The following PAX5 variants were observed in gnomAD, a reference collection of about 807,000 sequenced individuals.
PAX5 encodes paired box 5.
PAX5 carries 9 observed loss-of-function variants against 43.7 expected under a neutral mutation model. That is an observed-to-expected ratio of 0.21 (90% CI 0.12 to 0.36). The LOEUF (loss-of-function observed/expected upper bound fraction) is 0.36, where lower values mean the gene tolerates loss of function less well. Ranked by LOEUF, PAX5 falls within the 10% of genes least tolerant of loss-of-function variation. PAX5 has a pLI of 1.00. For synonymous variants in PAX5, 228 were observed against 214.3 expected (o/e 1.06, Z -0.56); for missense variants, 383 against 532.7 (o/e 0.72, Z 2.77).
At chr9:36,895,284 A>G (rs1827764338) in intron 7 of PAX5, among the ~76,000 whole-genome samples, 1 of 152,266 alleles carries the variant, frequency 6.6e-6, no homozygotes, top group Admixed American at 6.5e-5. Flanking sequence ...TGCGAGGTAC[A>G]TGAAGAATGG....
chr9:36,851,039 A>C (rs1823110747), intron 8 of PAX5, among the ~76,000 whole-genome samples: 1 of 152,252 alleles, frequency 6.6e-6, no homozygotes. Flanking sequence ...ACGCTCTGCC[A>C]TCAGGCCATC....
At chr9:36,926,451 A>G (rs1372031756) in intron 6 of PAX5, among the ~76,000 whole-genome samples, 2 of 152,232 alleles carry the variant, frequency 1.3e-5, no homozygotes, top group Non-Finnish European at 2.9e-5. Context: ...TTTGGAAAAT[A>G]CTGCTTCATT....
intron 6 of PAX5, among the ~76,000 whole-genome samples, chr9:36,935,375 C>A (rs572166315): frequency 1.5e-5 from 2 of 129,266 alleles, no homozygotes; most frequent in Non-Finnish European, 3.3e-5. Flanking sequence ...AGCGAAACTC[C>A]ATCTCCGAAG....
intron 8 of PAX5, among the ~76,000 whole-genome samples, chr9:36,870,215 A>G (rs1157363539): frequency 6.6e-6 from 1 of 152,152 alleles, no homozygotes; most frequent in Non-Finnish European, 1.5e-5. Flanking sequence ...CCCCACAATT[A>G]TTTATTATGT....
At chr9:37,024,368 C>T (rs1203868575) in intron 1 of PAX5, among the ~76,000 whole-genome samples, 3 of 151,666 alleles carry the variant, frequency 2.0e-5, no homozygotes, top group African/African-American at 7.3e-5. Flanking sequence ...TGGGGGGAAG[C>T]AGTGGTAGGG....
rs1236057403 is a variant in PAX5 at position 37,015,239 on chromosome 9, A to C, written c.213-45T>G. ...AAGCTTAGCCATGAGGAACCAGTAA[A>C]GTGGATATTGGCAACAAAATAACGG... On this transcript the variant is annotated intron_variant, in intron 2 of 9. Coordinates refer to ENST00000358127, the MANE Select transcript of PAX5 (RefSeq NM_016734.3). This position sits in a 1 kb window ranked among gnomAD's most constrained non-coding sequence, Gnocchi z 4.4. 6.5e-7 allele frequency: 1 copy of C among 1,549,252 alleles called. No individual in the cohort carries two copies. Among genetic ancestry groups the C allele is most frequent in the African/African-American group, 1.4e-5 (1 of 73,558 alleles).
chr9:36,976,853 G>A (rs1835477755), intron 5 of PAX5, among the ~76,000 whole-genome samples: 1 of 152,184 alleles, frequency 6.6e-6, no homozygotes, highest in South Asian at 2.1e-4. Context: ...GATGGCAAAC[G>A]GGAGGCCAGA....
In PAX5 at chr9:36,926,865, G is replaced by A. The variant is rs570039188; in HGVS notation, c.781-3381C>T. Among the ~76,000 whole-genome samples, 35 of 152,248 alleles carry A rather than the reference G, an allele frequency of 2.3e-4. 1 individual carries two copies. In the South Asian group the frequency reaches 7.1e-3, roughly 31 times the overall value. ...CACAAACACCAAGAGAAGACACATTGGCCCAGAAATTCCATCCAAGAGGGA... is the reference window on the plus strand; with the variant it reads ...CACAAACACCAAGAGAAGACACATTAGCCCAGAAATTCCATCCAAGAGGGA... On this transcript the variant is annotated intron_variant, in intron 6 of 9. Transcript: ENST00000358127.
chr9:36,937,372 A>G (rs1012322999), intron 6 of PAX5, among the ~76,000 whole-genome samples: 5 of 151,758 alleles, frequency 3.3e-5, no homozygotes, highest in African/African-American at 1.2e-4. Context: ...CTGAAACACC[A>G]CTCTACACCC....
chr9:36,871,985 C>CA (rs1409080103), intron 8 of PAX5, among the ~76,000 whole-genome samples: 2 of 152,234 alleles, frequency 1.3e-5, no homozygotes, highest in African/African-American at 2.4e-5. Context: ...TCCCCATCTC[C>CA]ATGCTCCCAA....
chr9:36,921,264 C>G lies in PAX5; in HGVS notation c.910+2091G>C, dbSNP rs189261602. On this transcript the variant is annotated intron_variant, in intron 7 of 9. Coordinates refer to ENST00000358127, the MANE Select transcript of PAX5 (RefSeq NM_016734.3). ...TCTTGTGATCTGCCTACCCAATCTT[C>G]TCATAAACTCTGATCCCAGTAACAA... 5.3e-4 allele frequency among the ~76,000 whole-genome samples: 81 copies of G among 152,348 alleles called. No individual in the cohort carries two copies. The East Asian group carries it at 0.015, about 28-fold the overall frequency.
intron 3 of PAX5, among the ~76,000 whole-genome samples, chr9:37,010,822 G>A (rs1838862990): frequency 6.6e-6 from 1 of 152,112 alleles, no homozygotes; most frequent in Non-Finnish European, 1.5e-5. Flanking sequence ...AGCTGCAAGG[G>A]GCCCCACAGG....
intron 3 of PAX5, among the ~76,000 whole-genome samples, chr9:37,011,128 CAAAAAA>C (rs1225031293): frequency 9.9e-6 from 1 of 100,950 alleles, no homozygotes; most frequent in Non-Finnish European, 2.3e-5. Context: ...CTCAAAAAAA[CAAAAAA>C]AAAAAAAAAA....
At chr9:36,903,695 T>C (rs3780145) in intron 7 of PAX5, among the ~76,000 whole-genome samples, 109,402 of 152,170 alleles carry the variant, frequency 0.72, 39,597 homozygotes, top group South Asian at 0.75. Flanking sequence ...TAAGGCCTGG[T>C]CAGGCTGCAT....
intron 9 of PAX5, among the ~76,000 whole-genome samples, chr9:36,845,062 C>T (rs1301552744): frequency 6.6e-6 from 1 of 152,218 alleles, no homozygotes; most frequent in Non-Finnish European, 1.5e-5. Context: ...GGCTGGGGTT[C>T]AGCTCCCACT....
chr9:36,833,895 G>A lies in PAX5; in HGVS notation c.*6665C>T, dbSNP rs570922740. On this transcript the variant is annotated 3_prime_UTR_variant, in exon 10 of 10. Transcript: ENST00000358127. ...TATTTTTTTTTTTTTACAAGTAAGC[G>A]TCTATGCAGGCATCACAAACTTTGG... is the stretch of plus-strand genomic sequence containing the variant. The A allele has an allele frequency of 7.1e-5, 16 of 225,134 alleles. No individual in the cohort carries two copies. The highest frequency in any genetic ancestry group is 1.9e-4 in the South Asian group (1 of 5,380). 13.9% of individuals were successfully genotyped at this position (225,134 alleles called of 1,614,324 possible). A position where few individuals can be genotyped will look rare whatever the true frequency, so the allele number is the denominator to read the frequency against.
intron 8 of PAX5, among the ~76,000 whole-genome samples, chr9:36,880,379 G>C (rs902900927): frequency 6.6e-6 from 1 of 152,230 alleles, no homozygotes; most frequent in African/African-American, 2.4e-5. Flanking sequence ...AGGATGGCCC[G>C]GGGGAAGAGA....
At chr9:36,901,342 G>A (rs553514014) in intron 7 of PAX5, among the ~76,000 whole-genome samples, 22 of 151,846 alleles carry the variant, frequency 1.4e-4, no homozygotes, top group African/African-American at 4.3e-4. Flanking sequence ...GCTCATTTCC[G>A]TGTGCTCAAG....
chr9:37,031,179 A>G (rs915911891), intron 1 of PAX5, among the ~76,000 whole-genome samples: 4 of 152,178 alleles, frequency 2.6e-5, no homozygotes, highest in South Asian at 4.1e-4. Flanking sequence ...TTCAAGAATC[A>G]TGTAAAATCA....
Sources: allele counts gnomAD v4.1 joint callset (sites outside exome capture counted in the v4.1 genomes callset), GRCh38; gene constraint gnomAD v4.1.1; non-coding constraint Gnocchi (gnomAD v3.1); transcripts MANE v1.5; gene names NCBI Gene and HGNC (gene_info 2026-07-23, HGNC 2026-07-21).